Variants in RNLS observed in about 807,000 individuals in gnomAD.
The protein encoded by RNLS is renalase, FAD dependent amine oxidase.
Under a neutral mutation model 39.8 loss-of-function variants are expected in RNLS, and 39 were observed. The observed-to-expected ratio is 0.98, with a 90% CI of 0.76 to 1.28. RNLS has a LOEUF of 1.28. Among genes scored for constraint, RNLS ranks in the 50% most tolerant of loss-of-function variants. The pLI, the probability that RNLS is intolerant of heterozygous loss-of-function variation, is 0.00. For missense variants in RNLS, 410 were observed against 413.3 expected (o/e 0.99, Z 0.07); for synonymous variants, 147 against 150.7 (o/e 0.98, Z 0.18).
intron 5 of RNLS, among the ~76,000 whole-genome samples, chr10:88,322,537 G>T (rs559381996): frequency 6.6e-6 from 1 of 152,238 alleles, no homozygotes; most frequent in Admixed American, 6.5e-5. Flanking sequence ...TCCTTCACAG[G>T]TGCTCTCTCA....
chr10:88,309,570 A>C (rs1334274547), intron 6 of RNLS: 29 of 778,884 alleles, frequency 3.7e-5, no homozygotes, highest in Non-Finnish European at 5.0e-5. Flanking sequence ...TAACTGAGGT[A>C]ATCAGCTGGA....
rs1554927072 is a variant in RNLS, at chr10:88,548,289, A to AAAAAAG, written c.526+24613_526+24614insCTTTTT. Among the ~76,000 whole-genome samples the AAAAAAG allele has an allele frequency of 1.6e-4, 13 of 80,282 alleles. 1 individual carries two copies. The highest frequency in any genetic ancestry group is 6.6e-4 in the African/African-American group (10 of 15,200). The allele number at this position is 80,282 out of a possible 152,430, so 52.7% of individuals were successfully genotyped here. A position where few individuals can be genotyped will look rare whatever the true frequency, so the allele number is the denominator to read the frequency against. On this transcript the variant is annotated intron_variant, in intron 4 of 6. Coordinates refer to ENST00000331772, the MANE Select transcript of RNLS (RefSeq NM_001031709.3). ...AAAAAAAAAAAAAAAAAAAAAAAAA[A>AAAAAAG]AAAAGAAAAGAAAAAAGAAAATAAA...
chr10:88,431,313 G>T (rs1855122767), intron 4 of RNLS, among the ~76,000 whole-genome samples: 1 of 151,152 alleles, frequency 6.6e-6, no homozygotes, highest in Admixed American at 6.6e-5. Flanking sequence ...CTACAGACTT[G>T]GTAATTACGT....
chr10:88,470,229 T>C (rs565051493), intron 4 of RNLS, among the ~76,000 whole-genome samples: 1 of 152,138 alleles, frequency 6.6e-6, no homozygotes, highest in East Asian at 1.9e-4. Flanking sequence ...TAGAGGTAAA[T>C]AGTGTGTCAA....
intron 5 of RNLS, among the ~76,000 whole-genome samples, chr10:88,336,425 A>T (rs1589585132): frequency 6.6e-6 from 1 of 152,236 alleles, no homozygotes; most frequent in East Asian, 1.9e-4. Flanking sequence ...AGACACACAG[A>T]CATCCTCTAA....
chr10:88,233,574 G>A, the RNLS span, among the ~76,000 whole-genome samples: 6 of 152,174 alleles, frequency 3.9e-5, no homozygotes, highest in African/African-American at 1.2e-4. Context: ...AATCATCTGG[G>A]ATAAGTACGT....
intron 4 of RNLS, among the ~76,000 whole-genome samples, chr10:88,402,564 T>C (rs1391077182): frequency 1.3e-5 from 2 of 152,010 alleles, no homozygotes; most frequent in African/African-American, 4.8e-5. Flanking sequence ...AAAGACCAAG[T>C]CATTTATAAT....
intron 4 of RNLS, among the ~76,000 whole-genome samples, chr10:88,531,369 G>C (rs1847414962): frequency 6.6e-6 from 1 of 151,222 alleles, no homozygotes; most frequent in Non-Finnish European, 1.5e-5. Flanking sequence ...TAGATAAGTT[G>C]TATGTATTTT....
intron 4 of RNLS, among the ~76,000 whole-genome samples, chr10:88,515,261 T>C (rs976320844): frequency 6.6e-6 from 1 of 152,110 alleles, no homozygotes; most frequent in African/African-American, 2.4e-5. Context: ...TTTATATAAA[T>C]TTATTTGTAA....
chr10:88,361,154 C>T (rs1234731877), intron 5 of RNLS, among the ~76,000 whole-genome samples: 1 of 152,154 alleles, frequency 6.6e-6, no homozygotes, highest in African/African-American at 2.4e-5. Flanking sequence ...TTCTCTTTTG[C>T]TCTTCTTTTA....
the RNLS span, among the ~76,000 whole-genome samples, chr10:88,172,193 A>G: frequency 6.6e-6 from 1 of 152,204 alleles, no homozygotes; most frequent in African/African-American, 2.4e-5. Context: ...AATACCCAGT[A>G]GTGGAATTGT....
chr10:88,316,965 T>C (rs1207365068), intron 5 of RNLS, among the ~76,000 whole-genome samples: 1 of 152,032 alleles, frequency 6.6e-6, no homozygotes, highest in Non-Finnish European at 1.5e-5. Flanking sequence ...TGATCAAAGT[T>C]TGAAAATAGA....
the RNLS span, among the ~76,000 whole-genome samples, chr10:88,190,236 G>T: frequency 1.3e-5 from 2 of 152,220 alleles, no homozygotes; most frequent in Non-Finnish European, 2.9e-5. Flanking sequence ...CAGAGGAACT[G>T]CTTCATTCTT....
chr10:88,359,595 G>A (rs1849479779), intron 5 of RNLS, among the ~76,000 whole-genome samples: 1 of 152,300 alleles, frequency 6.6e-6, no homozygotes, highest in South Asian at 2.1e-4. Flanking sequence ...GTATTTCTTT[G>A]CTTGCTGAAG....
At chr10:88,344,485 G>GA (rs1807476794) in intron 5 of RNLS, among the ~76,000 whole-genome samples, 1 of 151,958 alleles carries the variant, frequency 6.6e-6, no homozygotes, top group Admixed American at 6.6e-5. Flanking sequence ...ATTTTGACAG[G>GA]AAAAACAACG....
At chr10:88,435,282 A>G (rs1215338958) in intron 4 of RNLS, among the ~76,000 whole-genome samples, 2 of 152,076 alleles carry the variant, frequency 1.3e-5, no homozygotes, top group East Asian at 3.9e-4. Flanking sequence ...ACCTAGAGGG[A>G]AAGTTTCCAG....
At chr10:88,445,316 A>T (rs1435321310) in intron 4 of RNLS, among the ~76,000 whole-genome samples, 2 of 152,250 alleles carry the variant, frequency 1.3e-5, no homozygotes, top group Admixed American at 1.3e-4. Flanking sequence ...CTCCTGAAGG[A>T]AGCACTAAAC....
chr10:88,445,156 CCAACATT>C, intron 4 of RNLS, among the ~76,000 whole-genome samples: 1 of 152,170 alleles, frequency 6.6e-6, no homozygotes, highest in Non-Finnish European at 1.5e-5. Context: ...AGAGTGAGGA[CCAACATT>C]CAACATTCGT....
rs539488133 is a variant in RNLS, at chr10:88,290,309, G to T, written c.877-4803C>A. On this transcript the variant is annotated intron_variant, in intron 6 of 6. Coordinates refer to ENST00000331772, the MANE Select transcript of RNLS (RefSeq NM_001031709.3). ...ATTCAGCCATCCAGCCCATAATTTG[G>T]TTACTTAAACAAACCTTTCTGAAAC... Among the ~76,000 whole-genome samples, 4 of 152,216 alleles carry T rather than the reference G, an allele frequency of 2.6e-5. No homozygotes were observed. In the South Asian group the frequency reaches 8.3e-4, roughly 32 times the overall value.
Sources: allele counts gnomAD v4.1 joint callset (sites outside exome capture counted in the v4.1 genomes callset), GRCh38; gene constraint gnomAD v4.1.1; transcripts MANE v1.5; gene names NCBI Gene and HGNC (gene_info 2026-07-23, HGNC 2026-07-21).